ZNF831: variants seen among roughly 807,000 people sequenced by gnomAD.
ZNF831 encodes the protein chromosome 20 open reading frame 174.
ZNF831 carries 59 observed loss-of-function variants against 95.8 expected under a neutral mutation model. The ratio of observed to expected loss-of-function variants is 0.62; its 90% CI spans 0.50 to 0.77. The LOEUF (loss-of-function observed/expected upper bound fraction) is 0.77. Among genes scored for constraint, ZNF831 ranks in the 30% least tolerant of loss-of-function variants. ZNF831 has a pLI of 0.00. For synonymous variants in ZNF831, 961 were observed against 925.5 expected (o/e 1.04, Z -0.70); for missense variants, 2,205 against 2,164.0 (o/e 1.02, Z -0.38).
chr20:59,195,652 G>A (rs986956232), intron 2 of ZNF831: 7 of 488,158 alleles, frequency 1.4e-5, no homozygotes, highest in Non-Finnish European at 1.9e-5. Context: ...GCTTTCCTCT[G>A]CGGATCAAGC....
chr20:59,123,811 G>A (rs1469766405), intron 1 of ZNF831, among the ~76,000 whole-genome samples: 1 of 152,210 alleles, frequency 6.6e-6, no homozygotes, highest in Non-Finnish European at 1.5e-5. Context: ...GCTTTCTGAG[G>A]AGTGTCTCTA....
chr20:59,148,075 C>T (rs6026728), intron 2 of ZNF831, among the ~76,000 whole-genome samples: 18,662 of 152,230 alleles, frequency 0.12, 1,249 homozygotes, highest in African/African-American at 0.16. Flanking sequence ...CTCTGAAATG[C>T]TTGAGAATGT....
intron 2 of ZNF831, among the ~76,000 whole-genome samples, chr20:59,153,668 G>A (rs1454883980): frequency 6.7e-6 from 1 of 149,170 alleles, no homozygotes; most frequent in Non-Finnish European, 1.5e-5. Context: ...AACTCCAGGA[G>A]GTCAAGGACA....
In ZNF831 at chr20:59,208,594, TTG is replaced by T. The variant is rs1460745259; in HGVS notation, c.4027+1549_4027+1550del. On this transcript the variant is annotated intron_variant, in intron 4 of 5. Coordinates refer to ENST00000371030, the MANE Select transcript of ZNF831 (RefSeq NM_178457.3). This position sits in a 1 kb window ranked among gnomAD's most constrained non-coding sequence, Gnocchi z 4.2. The stretch of plus-strand genomic sequence containing the variant: ...GGGTACCTGGGAATTGTGCACAGAA[TTG>T]TGTGTGTGTGGGTGACTTCCAGAGG... 6.6e-6 allele frequency among the ~76,000 whole-genome samples: 1 copy of T among 151,996 alleles called. No individual in the cohort carries two copies. Among genetic ancestry groups the T allele is most frequent in the African/African-American group, 2.4e-5 (1 of 41,408 alleles).
In ZNF831 at chr20:59,192,929, C is replaced by A. The variant is rs1983733584; in HGVS notation, c.1910C>A (p.Ala637Asp). 6.2e-7 allele frequency: 1 copy of A among 1,600,556 alleles called. No individual in the cohort carries two copies. Among genetic ancestry groups the A allele is most frequent in the South Asian group, 1.1e-5 (1 of 88,124 alleles). ...AAAAGGATCTACCAGAAAATGAAAGCCAGTCCCCATGGAGGCAAGAAAGCC... is the reference window on the plus strand; with the variant it reads ...AAAAGGATCTACCAGAAAATGAAAGACAGTCCCCATGGAGGCAAGAAAGCC... ...TFKRIYQKMK[A>D]SPHGGKKARE... is the part of the protein sequence containing the mutation. Residue 637 changes from alanine to aspartate, a missense_variant, in exon 2 of 6, where the codon GCC becomes GAC. Physicochemically the swap from Ala to Asp is moderately radical, Grantham distance 126. Coordinates refer to ENST00000371030, the MANE Select transcript of ZNF831 (RefSeq NM_178457.3). The surrounding 1 kb of genome is among the most constrained non-coding windows in gnomAD (Gnocchi z 5.2).
At chr20:59,230,187 A>G (rs1467277567) in intron 4 of ZNF831, among the ~76,000 whole-genome samples, 2 of 152,214 alleles carry the variant, frequency 1.3e-5, no homozygotes, top group Non-Finnish European at 2.9e-5. Context: ...GCTGTAAAAG[A>G]CCAGATAATT....
chr20:59,130,854 G>A (rs139164554), intron 1 of ZNF831, among the ~76,000 whole-genome samples: 24 of 152,264 alleles, frequency 1.6e-4, no homozygotes, highest in African/African-American at 4.6e-4. Context: ...TGGGTGGGGC[G>A]CTTGGCCCTG....
At chr20:59,202,237 ATTTTATTTCCAAAAAG>A (rs1265992527) in intron 3 of ZNF831, among the ~76,000 whole-genome samples, 1 of 150,176 alleles carries the variant, frequency 6.7e-6, no homozygotes, top group Non-Finnish European at 1.5e-5. Flanking sequence ...TGTGAATTAT[ATTTTATTTCCAAAAAG>A]TTTTATTTAA....
chr20:59,228,772 T>C (rs1054967467), intron 4 of ZNF831, among the ~76,000 whole-genome samples: 4 of 152,232 alleles, frequency 2.6e-5, no homozygotes, highest in African/African-American at 4.8e-5. Flanking sequence ...GTCAGGGAAA[T>C]TGGGATTTCC....
Position 59,253,985 on chromosome 20 carries a change from T to A in ZNF831, c.4276T>A (p.Cys1426Ser), listed in dbSNP as rs2146762140. 1 of 1,612,488 alleles carries A rather than the reference T, an allele frequency of 6.2e-7. No homozygotes were observed. The highest frequency in any genetic ancestry group is 1.1e-5 in the South Asian group (1 of 91,008). Residue 1426 changes from cysteine (C) to serine (S), a missense_variant, in exon 6 of 6, where the codon TGC (cysteine) becomes AGC (serine). By Grantham distance (112) the Cys-to-Ser change is moderately radical (BLOSUM62 -1). Transcript: ENST00000371030. ...TSGLSLQSDT[C>S]LAVVNDVPLP... Reference sequence around the variant, plus strand: ...AGGATTATCTCTGCAATCTGACACCTGCCTGGCAGTGGTTAATGACGTGCC... The same window carrying A: ...AGGATTATCTCTGCAATCTGACACCAGCCTGGCAGTGGTTAATGACGTGCC...
Position 59,192,014 on chromosome 20 carries a change from C to A in ZNF831, c.995C>A (p.Pro332His), listed in dbSNP as rs1275971817. Residue 332 changes from proline to histidine, a missense_variant, in exon 2 of 6, where the codon CCC becomes CAC. Physicochemically the swap from Pro to His is moderately conservative, Grantham distance 77. Transcript: ENST00000371030. The surrounding 1 kb of genome is among the most constrained non-coding windows in gnomAD (Gnocchi z 5.2). The part of the protein sequence containing the change: ...AAEKPWDAKA[P>H]EGRLRKCEST... ...GAGAAGCCCTGGGATGCCAAGGCCC[C>A]CGAGGGCCGGCTGCGGAAGTGTGAG... 3 of 1,608,672 alleles carry A rather than the reference C, an allele frequency of 1.9e-6. No individual in the cohort carries two copies. The highest frequency in any genetic ancestry group is 2.5e-6 in the Non-Finnish European group (3 of 1,178,812).
chr20:59,136,253 C>T (rs1350704230), intron 1 of ZNF831, among the ~76,000 whole-genome samples: 1 of 152,202 alleles, frequency 6.6e-6, no homozygotes, highest in Non-Finnish European at 1.5e-5. Context: ...TCTGCTGCTG[C>T]TTCATTGCCC....
chr20:59,167,658 T>C (rs890555608), intron 1 of ZNF831, among the ~76,000 whole-genome samples: 5 of 150,058 alleles, frequency 3.3e-5, no homozygotes, highest in African/African-American at 1.2e-4. Context: ...TAGGTCAAGG[T>C]TTTTTTTTTC....
chr20:59,245,774 A>G (rs918116561), intron 4 of ZNF831, among the ~76,000 whole-genome samples: 6 of 152,230 alleles, frequency 3.9e-5, no homozygotes, highest in African/African-American at 1.2e-4. Flanking sequence ...AATTCTGTAC[A>G]CGACCAAGCT....
Position 59,191,709 on chromosome 20 carries a change from C to T in ZNF831, c.690C>T (p.Gly230=), listed in dbSNP as rs1331882965. The T allele has an allele frequency of 6.4e-7, 1 of 1,572,314 alleles. No homozygotes were observed. Among genetic ancestry groups the T allele is most frequent in the Non-Finnish European group, 8.6e-7 (1 of 1,158,460 alleles). Residue 230 remains glycine (G), a synonymous_variant, in exon 2 of 6, where the codon GGC becomes GGT. Transcript: ENST00000371030. ...AGEPPRPEGR[G]ESRCQGMHEG... ...AGCCCCCCAGACCAGAGGGCAGGGGCGAGAGCAGGTGCCAGGGGATGCACG... is the reference window on the plus strand; with the variant it reads ...AGCCCCCCAGACCAGAGGGCAGGGGTGAGAGCAGGTGCCAGGGGATGCACG...
In ZNF831 at chr20:59,192,073, A is replaced by G. The variant is rs2146559251; in HGVS notation, c.1054A>G (p.Ser352Gly). The G allele has an allele frequency of 5.6e-6, 9 of 1,604,748 alleles. No individual in the cohort carries two copies. Among genetic ancestry groups the G allele is most frequent in the Non-Finnish European group, 7.6e-6 (9 of 1,178,382 alleles). Reference sequence around the variant, plus strand: ...CTCGGGGTACCTGTCGCGCTCCGACAGCGCGGAGCAGCCGCATGCGCCCTG... The same window carrying G: ...CTCGGGGTACCTGTCGCGCTCCGACGGCGCGGAGCAGCCGCATGCGCCCTG... ...TDSGYLSRSD[S>G]AEQPHAPCSP... Residue 352 changes from serine to glycine, a missense_variant, in exon 2 of 6, where the codon AGC (serine) becomes GGC (glycine). Coordinates refer to ENST00000371030, the MANE Select transcript of ZNF831 (RefSeq NM_178457.3). The surrounding 1 kb of genome is among the most constrained non-coding windows in gnomAD (Gnocchi z 5.2).
At position 59,258,988 on chromosome 20, in the gene ZNF831, G is replaced by A. The variant is rs149845538; in HGVS notation, c.*4245G>A. On this transcript the variant is annotated 3_prime_UTR_variant, in exon 6 of 6. Transcript: ENST00000371030. The stretch of plus-strand genomic sequence containing the variant: ...TCTTGTATATGCGGTCAACTGTTCA[G>A]GATTTACTACTCAATTGGTTGTTCA... 33 of 152,276 alleles carry A rather than the reference G, an allele frequency of 2.2e-4. No individual in the cohort carries two copies. The highest frequency in any genetic ancestry group is 7.2e-4 in the African/African-American group (30 of 41,570). The allele number at this position is 152,276 out of a possible 1,614,324, so 9.4% of individuals were successfully genotyped here. A position where few individuals can be genotyped will look rare whatever the true frequency, so the allele number is the denominator to read the frequency against.
At chr20:59,211,065 A>AAAAAAAAAAAAAAAAAAAAAAAAAAC (rs753979009) in intron 4 of ZNF831, among the ~76,000 whole-genome samples, 1 of 77,548 alleles carries the variant, frequency 1.3e-5, no homozygotes, top group African/African-American at 8.0e-5. Context: ...AAAAAAAAAA[A>AAAAAAAAAAAAAAAAAAAAAAAAAAC]CAAATCCAAG....
intron 4 of ZNF831, among the ~76,000 whole-genome samples, chr20:59,225,416 A>G (rs1986365270): frequency 1.3e-5 from 2 of 152,200 alleles, no homozygotes; most frequent in Admixed American, 1.3e-4. Context: ...TTCACTACTC[A>G]ATAAATTTGT....
Sources: gnomAD v4.1 joint callset for allele counts (sites outside exome capture counted in the v4.1 genomes callset) on GRCh38, gnomAD v4.1.1 for gene constraint, Gnocchi (gnomAD v3.1) non-coding constraint, MANE v1.5 for transcripts, NCBI Gene and HGNC (gene_info 2026-07-23, HGNC 2026-07-21) for gene names.